The following ZFHX3 variants were observed in gnomAD, a reference collection of about 807,000 sequenced individuals.
The protein encoded by ZFHX3 is zinc finger homeobox protein 3.
Under a neutral mutation model 279.1 loss-of-function variants are expected in ZFHX3, and 42 were observed. The ratio of observed to expected loss-of-function variants is 0.15; its 90% CI spans 0.12 to 0.19. The LOEUF (loss-of-function observed/expected upper bound fraction) is 0.19, where lower values mean the gene tolerates loss of function less well. Among genes scored for constraint, ZFHX3 ranks in the 10% least tolerant of loss-of-function variants. The probability of loss-of-function intolerance (pLI) is 1.00; values close to 1 mark genes in which losing one functional copy is unlikely to be tolerated. For synonymous variants in ZFHX3, 2,293 were observed against 1,957.8 expected, an observed-to-expected ratio of 1.17 and a Z score of -4.52; for missense variants, 4,981 against 4,754.0, an observed-to-expected ratio of 1.05 and a Z score of -1.40.
chr16:73,752,527 C>A (rs1017607962), intron 1 of ZFHX3, among the ~76,000 whole-genome samples: 3 of 152,118 alleles, frequency 2.0e-5, no homozygotes, highest in African/African-American at 7.2e-5. Context: ...TCTCAGATGG[C>A]CTCTCTCTTC....
chr16:72,961,629 CT>C (rs5817821), intron 1 of ZFHX3, among the ~76,000 whole-genome samples: 51 of 147,432 alleles, frequency 3.5e-4, no homozygotes, highest in African/African-American at 4.0e-4. Context: ...TCTTCTCAAT[CT>C]TTTTTTTTTT....
At chr16:73,300,183 G>C (rs2015019042) in intron 4 of ZFHX3, among the ~76,000 whole-genome samples, 1 of 149,842 alleles carries the variant, frequency 6.7e-6, no homozygotes, top group African/African-American at 2.5e-5. Context: ...CAGATGGCTT[G>C]AGCCCAGGAG....
chr16:73,679,421 C>T (rs2052987921), intron 2 of ZFHX3: 1 of 152,188 alleles, frequency 6.6e-6, no homozygotes, highest in Admixed American at 6.5e-5. Flanking sequence ...TGAACACTTT[C>T]TTCCTATGGG....
chr16:73,444,981 A>G (rs12933238), intron 3 of ZFHX3, among the ~76,000 whole-genome samples: 2 of 122,662 alleles, frequency 1.6e-5, no homozygotes, highest in Non-Finnish European at 3.5e-5. Flanking sequence ...AAAAAAAAAA[A>G]CAAATTAGCC....
chr16:73,728,022 C>T, intron 1 of ZFHX3, among the ~76,000 whole-genome samples: 1 of 103,970 alleles, frequency 9.6e-6, no homozygotes, highest in East Asian at 3.8e-4. Context: ...TGTGCCCCCC[C>T]CCCGCCCCCA....
chr16:73,765,824 A>T (rs1297837172), intron 1 of ZFHX3, among the ~76,000 whole-genome samples: 1 of 152,184 alleles, frequency 6.6e-6, no homozygotes, highest in Non-Finnish European at 1.5e-5. Context: ...CCGGATGGAG[A>T]TGTATGTTCT....
intron 2 of ZFHX3, among the ~76,000 whole-genome samples, chr16:73,484,251 A>G (rs73600827): frequency 6.6e-6 from 1 of 152,130 alleles, no homozygotes; most frequent in Non-Finnish European, 1.5e-5. Context: ...TGCAGAGAAC[A>G]TCTCTTCCTG....
intron 2 of ZFHX3, among the ~76,000 whole-genome samples, chr16:73,574,945 T>A (rs2051784167): frequency 6.6e-6 from 1 of 152,220 alleles, no homozygotes; most frequent in Admixed American, 6.5e-5. Flanking sequence ...GACGTTCTAC[T>A]CAGCACTCTC....
rs147638073 is a variant in ZFHX3 at position 72,959,003 on chromosome 16, C to T, written c.1143G>A (p.Ala381=). Residue 381 remains alanine, a synonymous_variant, in exon 2 of 10, where the codon GCG becomes GCA. Coordinates refer to ENST00000268489, the MANE Select transcript of ZFHX3 (RefSeq NM_006885.4). ...GCTGCTCGGGGCCAGCGGCGGAGCC[C>T]GCTGGGAGAGCTTCCTCCCCTTCCA... ...IRMEGEEALP[A]GSAAGPEQPQ... 68 of 1,610,234 alleles carry T rather than the reference C, an allele frequency of 4.2e-5. No individual in the cohort carries two copies. Among genetic ancestry groups the T allele is most frequent in the Non-Finnish European group, 4.8e-5 (57 of 1,178,242 alleles).
chr16:72,973,578 A>C (rs1320554537), intron 1 of ZFHX3: 1 of 152,278 alleles, frequency 6.6e-6, no homozygotes, highest in Non-Finnish European at 1.5e-5. Context: ...GTACTTGGCC[A>C]ATAAAATCCT....
At chr16:73,748,742 C>G (rs933038356) in intron 1 of ZFHX3, among the ~76,000 whole-genome samples, 1 of 152,152 alleles carries the variant, frequency 6.6e-6, no homozygotes, top group African/African-American at 2.4e-5. Context: ...GTGTCTTTGC[C>G]TAGTATAAAT....
intron 5 of ZFHX3, among the ~76,000 whole-genome samples, chr16:73,179,365 G>A (rs1293914768): frequency 6.6e-6 from 1 of 152,076 alleles, no homozygotes; most frequent in Non-Finnish European, 1.5e-5. Flanking sequence ...AGACAGCTTT[G>A]ACTCCACTCC....
intron 1 of ZFHX3, among the ~76,000 whole-genome samples, chr16:72,995,617 C>G (rs1351063342): frequency 6.6e-6 from 1 of 152,176 alleles, no homozygotes; most frequent in Non-Finnish European, 1.5e-5. Flanking sequence ...CAGAGCTCTC[C>G]AAGCTCCTGC....
At chr16:73,465,409 C>A (rs1230681878) in intron 2 of ZFHX3, among the ~76,000 whole-genome samples, 4 of 152,142 alleles carry the variant, frequency 2.6e-5, no homozygotes, top group Non-Finnish European at 5.9e-5. Flanking sequence ...GCAGGAGGGA[C>A]CTGTCCACCC....
At chr16:73,473,374 A>T (rs371253081) in intron 2 of ZFHX3, among the ~76,000 whole-genome samples, 2 of 150,680 alleles carry the variant, frequency 1.3e-5, no homozygotes, top group African/African-American at 4.9e-5. Context: ...AAAAAAAAAC[A>T]AAATAATAAG....
chr16:73,392,152 G>C (rs2017025681), intron 3 of ZFHX3, among the ~76,000 whole-genome samples: 1 of 152,066 alleles, frequency 6.6e-6, no homozygotes, highest in Non-Finnish European at 1.5e-5. Flanking sequence ...AGGCGCAGTG[G>C]CTCATGGCTG....
chr16:73,562,764 A>T (rs2020390744), intron 2 of ZFHX3, among the ~76,000 whole-genome samples: 5 of 152,092 alleles, frequency 3.3e-5, no homozygotes, highest in Admixed American at 3.3e-4. Flanking sequence ...AAAAGAGTAC[A>T]GGCAAATCAA....
chr16:73,412,572 C>T (rs2017492376), intron 3 of ZFHX3, among the ~76,000 whole-genome samples: 1 of 152,170 alleles, frequency 6.6e-6, no homozygotes, highest in Non-Finnish European at 1.5e-5. Flanking sequence ...CGGCCTCATA[C>T]TTTGCCTCAG....
chr16:72,805,143 A>G (rs1214445996), intron 7 of ZFHX3, among the ~76,000 whole-genome samples: 2 of 147,812 alleles, frequency 1.4e-5, no homozygotes, highest in African/African-American at 2.5e-5. Flanking sequence ...ACGCCCAGCT[A>G]TTTTTTTTTT....
Sources: allele counts gnomAD v4.1 joint callset (sites outside exome capture counted in the v4.1 genomes callset), GRCh38; gene constraint gnomAD v4.1.1; transcripts MANE v1.5; gene names NCBI Gene and HGNC (gene_info 2026-07-23, HGNC 2026-07-21).